PRKCE: variants seen among roughly 807,000 people sequenced by gnomAD.
PRKCE encodes protein kinase C epsilon.
PRKCE carries 16 observed loss-of-function variants against 85.4 expected under a neutral mutation model. The ratio of observed to expected loss-of-function variants is 0.19; its 90% CI spans 0.13 to 0.28. The LOEUF (loss-of-function observed/expected upper bound fraction) is 0.28, where lower values mean the gene tolerates loss of function less well. PRKCE is among the 10% of genes least tolerant of loss of function. PRKCE has a pLI of 1.00. For missense variants in PRKCE, 573 were observed against 975.2 expected (o/e 0.59, Z 5.49); for synonymous variants, 388 against 371.5 (o/e 1.04, Z -0.51).
chr2:46,177,465 C>T (rs1679533010), intron 14 of PRKCE, among the ~76,000 whole-genome samples: 1 of 152,174 alleles, frequency 6.6e-6, no homozygotes, highest in Non-Finnish European at 1.5e-5. Flanking sequence ...AGGAATCTTT[C>T]CTTGCCTCTT....
At chr2:45,805,469 A>C (rs1688171762) in intron 1 of PRKCE, among the ~76,000 whole-genome samples, 1 of 151,942 alleles carries the variant, frequency 6.6e-6, no homozygotes, top group Non-Finnish European at 1.5e-5. Flanking sequence ...TACTTGTGTG[A>C]CTCTCTAGGC....
intron 1 of PRKCE, among the ~76,000 whole-genome samples, chr2:45,711,698 G>A (rs931022618): frequency 6.6e-6 from 1 of 152,038 alleles, no homozygotes; most frequent in Non-Finnish European, 1.5e-5. Flanking sequence ...CATGATCTTG[G>A]CTCACTGCAA....
chr2:46,059,980 T>A (rs1469633165), intron 10 of PRKCE, among the ~76,000 whole-genome samples: 9 of 152,236 alleles, frequency 5.9e-5, no homozygotes, highest in Admixed American at 5.9e-4. Context: ...AATTTGACAT[T>A]TTCTTATTGC....
Position 46,004,084 on chromosome 2 carries a change from A to T in PRKCE, c.967-458A>T, listed in dbSNP as rs75111861. 1.1e-3 allele frequency: 260 copies of T among 228,012 alleles called. No homozygotes were observed. Among genetic ancestry groups the T allele is most frequent in the African/African-American group, 5.7e-3 (252 of 43,870 alleles). The allele number at this position is 228,012 out of a possible 1,614,324, so 14.1% of individuals were successfully genotyped here. ...GGTGATAACCACCTTGCTGGGGTAG[A>T]TACCCACGTGGATAGTTGAACATTA... On this transcript the variant is annotated intron_variant, in intron 7 of 14. Coordinates refer to ENST00000306156, the MANE Select transcript of PRKCE (RefSeq NM_005400.3). The surrounding 1 kb of genome is among the most constrained non-coding windows in gnomAD (Gnocchi z 4.1).
Position 45,895,652 on chromosome 2 carries a change from A to G in PRKCE, c.412+52589A>G, listed in dbSNP as rs191227409. ...GTCACTCTAATGGCATGCAGGGTAGATGATGTCAGCTTTTCCATCTCAGCT... is the reference window on the plus strand; with the variant it reads ...GTCACTCTAATGGCATGCAGGGTAGGTGATGTCAGCTTTTCCATCTCAGCT... On this transcript the variant is annotated intron_variant, in intron 2 of 14. Coordinates refer to ENST00000306156, the MANE Select transcript of PRKCE (RefSeq NM_005400.3). This position sits in a 1 kb window ranked among gnomAD's most constrained non-coding sequence, Gnocchi z 4.8. 8.5e-5 allele frequency among the ~76,000 whole-genome samples: 13 copies of G among 152,336 alleles called. No homozygotes were observed. Among genetic ancestry groups the G allele is most frequent in the Admixed American group, 3.3e-4 (5 of 15,306 alleles).
At chr2:45,746,308 C>T (rs1371988719) in intron 1 of PRKCE, among the ~76,000 whole-genome samples, 1 of 152,222 alleles carries the variant, frequency 6.6e-6, no homozygotes, top group Non-Finnish European at 1.5e-5. Flanking sequence ...ATCTAATAGG[C>T]TTCTCACACC....
chr2:46,019,255 T>TC (rs1706432076), intron 10 of PRKCE, among the ~76,000 whole-genome samples: 1 of 152,232 alleles, frequency 6.6e-6, no homozygotes, highest in African/African-American at 2.4e-5. Flanking sequence ...TGTATGAGTT[T>TC]TTTTTCAGGG....
intron 1 of PRKCE, among the ~76,000 whole-genome samples, chr2:45,790,127 A>T (rs1013189586): frequency 1.3e-5 from 2 of 152,200 alleles, no homozygotes; most frequent in African/African-American, 2.4e-5. Context: ...CTGTGTAGCC[A>T]GCTCTTCAGT....
At chr2:45,713,785 T>A (rs1236520171) in intron 1 of PRKCE, among the ~76,000 whole-genome samples, 1 of 152,222 alleles carries the variant, frequency 6.6e-6, no homozygotes, top group Non-Finnish European at 1.5e-5. Flanking sequence ...TAGAAATAGA[T>A]CTGGATTTGC....
chr2:46,178,569 A>G (rs549226617), intron 14 of PRKCE, among the ~76,000 whole-genome samples: 4 of 152,314 alleles, frequency 2.6e-5, no homozygotes, highest in Admixed American at 1.3e-4. Flanking sequence ...TATTCTTTTA[A>G]TTCGAATGTA....
chr2:45,887,887 T>C (rs1695417250), intron 2 of PRKCE, among the ~76,000 whole-genome samples: 1 of 152,228 alleles, frequency 6.6e-6, no homozygotes, highest in Admixed American at 6.5e-5. Context: ...CTGGCCCAAC[T>C]GAAATCATAT....
At chr2:46,061,868 T>TTTC (rs1367471575) in intron 10 of PRKCE, among the ~76,000 whole-genome samples, 1 of 145,882 alleles carries the variant, frequency 6.9e-6, no homozygotes, top group Non-Finnish European at 1.5e-5. Flanking sequence ...TCTTTTTTTT[T>TTTC]TTTTTTTTTG....
chr2:46,113,028 A>G (rs1672422357), intron 11 of PRKCE, among the ~76,000 whole-genome samples: 1 of 152,210 alleles, frequency 6.6e-6, no homozygotes, highest in Non-Finnish European at 1.5e-5. Context: ...CTTAAATAGG[A>G]CAATGCATCA....
At chr2:45,850,154 T>C (rs565004101) in intron 2 of PRKCE, among the ~76,000 whole-genome samples, 1 of 152,310 alleles carries the variant, frequency 6.6e-6, no homozygotes, top group African/African-American at 2.4e-5. Flanking sequence ...ATCTTGAGTG[T>C]TTGGAGAGCA....
Position 46,001,625 on chromosome 2 carries a change from AGTG to A in PRKCE, c.966+80_966+82del. Reference sequence around the variant, plus strand: ...TGCTGACTTCCAGAGGGTGCTCTGGAGTGAGGTAATAAGATTCCTGGGTTTGAG... The same window carrying A: ...TGCTGACTTCCAGAGGGTGCTCTGGAAGGTAATAAGATTCCTGGGTTTGAG... On this transcript the variant is annotated intron_variant, in intron 7 of 14. Coordinates refer to ENST00000306156, the MANE Select transcript of PRKCE (RefSeq NM_005400.3). This position sits in a 1 kb window ranked among gnomAD's most constrained non-coding sequence, Gnocchi z 4.4. The A allele has an allele frequency of 6.8e-7, 1 of 1,473,218 alleles. No homozygotes were observed. Among genetic ancestry groups the A allele is most frequent in the Non-Finnish European group, 9.0e-7 (1 of 1,105,774 alleles). The allele number at this position is 1,473,218 out of a possible 1,614,324, so 91.3% of individuals were successfully genotyped here. A position where few individuals can be genotyped will look rare whatever the true frequency, so the allele number is the denominator to read the frequency against.
intron 1 of PRKCE, among the ~76,000 whole-genome samples, chr2:45,838,425 A>C: frequency 6.6e-6 from 1 of 152,338 alleles, no homozygotes; most frequent in South Asian, 2.1e-4. Flanking sequence ...ACAGGAGATT[A>C]GATGAACTAA....
At chr2:45,706,028 G>A (rs1484989720) in intron 1 of PRKCE, among the ~76,000 whole-genome samples, 1 of 152,190 alleles carries the variant, frequency 6.6e-6, no homozygotes, top group African/African-American at 2.4e-5. Flanking sequence ...CTGGTCCCCT[G>A]CAGTTGGCCC....
intron 10 of PRKCE, among the ~76,000 whole-genome samples, chr2:46,066,562 G>C (rs1667643853): frequency 6.6e-6 from 1 of 152,166 alleles, no homozygotes. Flanking sequence ...ATACATTGTA[G>C]AAATAAGTTA....
chr2:45,934,930 A>G (rs1004525261), intron 2 of PRKCE, among the ~76,000 whole-genome samples: 7 of 151,408 alleles, frequency 4.6e-5, no homozygotes, highest in African/African-American at 1.7e-4. Flanking sequence ...GCATGGTGGC[A>G]TGTGCCTGTA....
Sources: gnomAD v4.1 joint callset for allele counts (sites outside exome capture counted in the v4.1 genomes callset) on GRCh38, gnomAD v4.1.1 for gene constraint, Gnocchi (gnomAD v3.1) non-coding constraint, MANE v1.5 for transcripts, NCBI Gene and HGNC (gene_info 2026-07-23, HGNC 2026-07-21) for gene names.